Variants in ARB2A observed in about 807,000 individuals in gnomAD.
The protein encoded by ARB2A is cotranscriptional regulator ARB2A.
chr5:93,848,096 G>A, the ARB2A span, among the ~76,000 whole-genome samples: 1 of 152,152 alleles, frequency 6.6e-6, no homozygotes, highest in Non-Finnish European at 1.5e-5. Flanking sequence ...TTAAAAAAGA[G>A]AGATGGTGCC....
the ARB2A span, among the ~76,000 whole-genome samples, chr5:93,859,803 C>T: frequency 4.6e-5 from 7 of 152,158 alleles, no homozygotes; most frequent in South Asian, 4.2e-4. Flanking sequence ...TAAACAGTAA[C>T]GATAACACAA....
chr5:93,676,968 C>A, the ARB2A span, among the ~76,000 whole-genome samples: 3 of 152,112 alleles, frequency 2.0e-5, no homozygotes. Context: ...CTTCTGTAAC[C>A]TCAATAGGAT....
the ARB2A span, among the ~76,000 whole-genome samples, chr5:93,632,575 A>G: frequency 6.6e-6 from 1 of 152,186 alleles, no homozygotes; most frequent in African/African-American, 2.4e-5. Context: ...ATCAGGGGAG[A>G]AATATAAACG....
the ARB2A span, among the ~76,000 whole-genome samples, chr5:93,655,311 A>G: frequency 6.6e-6 from 1 of 152,228 alleles, no homozygotes; most frequent in African/African-American, 2.4e-5. Flanking sequence ...CCATGTAAAT[A>G]TATAAACTAG....
At chr5:93,969,056 C>A in the ARB2A span, among the ~76,000 whole-genome samples, 5 of 137,804 alleles carry the variant, frequency 3.6e-5, no homozygotes, top group East Asian at 2.1e-4. Context: ...ACTTGCCTCA[C>A]AAGAAATGTT....
the ARB2A span, among the ~76,000 whole-genome samples, chr5:93,729,416 A>T: frequency 6.6e-6 from 1 of 152,156 alleles, no homozygotes; most frequent in East Asian, 1.9e-4. Flanking sequence ...GTTACTGCTT[A>T]CATGAATATG....
the ARB2A span, among the ~76,000 whole-genome samples, chr5:94,011,920 C>A: frequency 1.5e-3 from 21 of 13,796 alleles, no homozygotes; most frequent in Admixed American, 3.4e-3. Context: ...TGAGCCCCGA[C>A]AAATTAAAGG....
the ARB2A span, among the ~76,000 whole-genome samples, chr5:94,042,148 TTG>T: frequency 6.6e-6 from 1 of 152,056 alleles, no homozygotes; most frequent in Non-Finnish European, 1.5e-5. Flanking sequence ...TTTAAGCAAG[TTG>T]TGGAAGGTTT....
At chr5:93,839,913 T>A in the ARB2A span, among the ~76,000 whole-genome samples, 1 of 152,112 alleles carries the variant, frequency 6.6e-6, no homozygotes, top group Non-Finnish European at 1.5e-5. Context: ...GGATCTTCTC[T>A]CTTATTTTCA....
the ARB2A span, among the ~76,000 whole-genome samples, chr5:94,093,878 G>T: frequency 6.6e-6 from 1 of 152,086 alleles, no homozygotes; most frequent in Non-Finnish European, 1.5e-5. Context: ...ACAACGGTGG[G>T]ACAGGCAAAC....
the ARB2A span, among the ~76,000 whole-genome samples, chr5:93,785,390 CTA>C: frequency 6.6e-6 from 1 of 151,876 alleles, no homozygotes; most frequent in Non-Finnish European, 1.5e-5. Context: ...TTTTCTCCCT[CTA>C]AATTCTTTTA....
the ARB2A span, among the ~76,000 whole-genome samples, chr5:93,726,860 G>A: frequency 5.3e-5 from 8 of 151,948 alleles, no homozygotes; most frequent in Admixed American, 6.6e-5. Flanking sequence ...TTACTATACA[G>A]TAAATTATAA....
the ARB2A span, chr5:93,620,233 G>A: frequency 6.6e-6 from 1 of 152,086 alleles, no homozygotes; most frequent in African/African-American, 2.4e-5. Context: ...CATTGTTTTG[G>A]TTTTAACAGT....
chr5:93,796,823 A>G, the ARB2A span, among the ~76,000 whole-genome samples: 1 of 152,152 alleles, frequency 6.6e-6, no homozygotes, highest in African/African-American at 2.4e-5. Context: ...TGAAATAATG[A>G]AAGTCTGCAG....
chr5:93,888,092 C>T, the ARB2A span, among the ~76,000 whole-genome samples: 2 of 151,830 alleles, frequency 1.3e-5, no homozygotes, highest in African/African-American at 4.8e-5. Flanking sequence ...CCCATATTAT[C>T]ACCCACTCCA....
chr5:93,707,973 TAA>T, the ARB2A span, among the ~76,000 whole-genome samples: 1 of 152,224 alleles, frequency 6.6e-6, no homozygotes, highest in Non-Finnish European at 1.5e-5. Context: ...ACTTTTATTG[TAA>T]AAATGTTTAA....
At chr5:93,776,223 A>G in the ARB2A span, 1 of 1,611,766 alleles carries the variant, frequency 6.2e-7, no homozygotes, top group Non-Finnish European at 8.5e-7. Flanking sequence ...GTTCTGAGCT[A>G]GAGACCCAAT....
the ARB2A span, among the ~76,000 whole-genome samples, chr5:93,709,519 G>C: frequency 1.3e-5 from 2 of 150,124 alleles, no homozygotes; most frequent in African/African-American, 4.9e-5. Context: ...TGTAATCCCA[G>C]CTACTTGGGA....
chr5:94,096,266 T>C, the ARB2A span, among the ~76,000 whole-genome samples: 147 of 152,364 alleles, frequency 9.6e-4, no homozygotes, highest in African/African-American at 3.4e-3. Flanking sequence ...TTGGTCACAA[T>C]TGTAGCTTGC....
Sources: allele counts gnomAD v4.1 joint callset (sites outside exome capture counted in the v4.1 genomes callset), GRCh38; gene constraint gnomAD v4.1.1; transcripts MANE v1.5; gene names NCBI Gene and HGNC (gene_info 2026-07-23, HGNC 2026-07-21).